The following ACSF2 variants were observed in gnomAD, a reference collection of about 807,000 sequenced individuals.
The protein encoded by ACSF2 is medium-chain acyl-CoA ligase ACSF2, mitochondrial.
ACSF2 carries 52 observed loss-of-function variants against 79.3 expected under a neutral mutation model. That is an observed-to-expected ratio of 0.66 (90% CI 0.53 to 0.83). The LOEUF (loss-of-function observed/expected upper bound fraction) is 0.83. Ranked by LOEUF, ACSF2 falls within the 40% of genes least tolerant of loss-of-function variation. The pLI is 0.00. For missense variants in ACSF2, 661 were observed against 803.3 expected (o/e 0.82, Z 2.14); for synonymous variants, 283 against 312.6 (o/e 0.91, Z 1.00).
chr17:50,461,142 T>G (rs1332991957), intron 2 of ACSF2, 100 bp from the exon 3 acceptor site: 4 of 1,545,634 alleles, frequency 2.6e-6, no homozygotes, highest in Non-Finnish European at 2.6e-6. Context: ...TTGTCCCCAG[T>G]GACTGTGATG....
In ACSF2 at chr17:50,426,329, C is replaced by T. The variant is rs780696285; in HGVS notation, c.68C>T (p.Ala23Val). ...GCCGGGAGCTCGGGGGTGCTGGGGG[C>T]CCGGGCCGCCCTCTCTCGGAGTTGG... is the stretch of plus-strand genomic sequence containing the variant. ...LCAGSSGVLG[A>V]RAALSRSWQE... Residue 23 changes from alanine (A) to valine (V), a missense_variant, in exon 1 of 16, where the codon GCC becomes GTC. Transcript: ENST00000300441. 3.5e-6 allele frequency: 5 copies of T among 1,419,638 alleles called. No individual in the cohort carries two copies. The highest frequency in any genetic ancestry group is 2.8e-5 in the East Asian group (1 of 35,462). The allele number at this position is 1,419,638 out of a possible 1,614,324, so 87.9% of individuals were successfully genotyped here.
intron 10 of ACSF2, chr17:50,464,840 A>T: frequency 2.8e-6 from 1 of 352,494 alleles, no homozygotes; most frequent in South Asian, 2.1e-5. Context: ...GGCTGGGGAG[A>T]GGCTCAGCCT....
chr17:50,429,114 A>G (rs1915291370), intron 1 of ACSF2, among the ~76,000 whole-genome samples: 1 of 152,254 alleles, frequency 6.6e-6, no homozygotes. Context: ...GAAAAGAGCA[A>G]GGGCTTTGAA....
chr17:50,459,333 C>G (rs777745218), intron 1 of ACSF2, among the ~76,000 whole-genome samples: 2 of 152,214 alleles, frequency 1.3e-5, no homozygotes, highest in African/African-American at 4.8e-5. Flanking sequence ...CTCTGCCTCC[C>G]AGGCTCGAGT....
chr17:50,450,806 A>G (rs1186155754), intron 1 of ACSF2: 1 of 152,254 alleles, frequency 6.6e-6, no homozygotes, highest in Non-Finnish European at 1.5e-5. Flanking sequence ...TAATCCAAAT[A>G]ATAGATTCCA....
chr17:50,471,293 T>C lies in ACSF2; in HGVS notation c.1323+158T>C. 1 of 621,682 alleles carries C rather than the reference T, an allele frequency of 1.6e-6. No homozygotes were observed. The highest frequency in any genetic ancestry group is 2.9e-6 in the Non-Finnish European group (1 of 348,122). 38.5% of individuals were successfully genotyped at this position (621,682 alleles called of 1,614,324 possible). On this transcript the variant is annotated intron_variant, in intron 11 of 15. Transcript: ENST00000300441. This position sits in a 1 kb window ranked among gnomAD's most constrained non-coding sequence, Gnocchi z 4.1. Reference sequence around the variant, plus strand: ...GGGGTGTGCTAGGCCTGGCCCGGAGTGTTCTCTGTGGGCTAAGCATGAAAG... The same window carrying C: ...GGGGTGTGCTAGGCCTGGCCCGGAGCGTTCTCTGTGGGCTAAGCATGAAAG...
intron 10 of ACSF2, chr17:50,468,242 A>G: frequency 6.2e-7 from 1 of 1,612,278 alleles, no homozygotes; most frequent in East Asian, 2.2e-5. Context: ...CACGTCGTCC[A>G]GGGCCCCGGG....
intron 10 of ACSF2, chr17:50,465,034 C>G: frequency 2.0e-6 from 1 of 494,634 alleles, no homozygotes; most frequent in East Asian, 3.7e-5. Flanking sequence ...GTCACCAGGA[C>G]TGGCTGGGTC....
chr17:50,447,039 A>G (rs889916334), intron 1 of ACSF2, among the ~76,000 whole-genome samples: 9 of 152,190 alleles, frequency 5.9e-5, no homozygotes, highest in African/African-American at 2.2e-4. Flanking sequence ...TCAATGGCTT[A>G]TAGTATATTC....
intron 1 of ACSF2, among the ~76,000 whole-genome samples, chr17:50,429,705 A>G (rs1421117558): frequency 1.3e-5 from 2 of 151,978 alleles, no homozygotes; most frequent in African/African-American, 2.4e-5. Flanking sequence ...TTTAGTGGAG[A>G]TGGGGTTTCA....
chr17:50,427,074 C>T lies in ACSF2; in HGVS notation c.128+685C>T, dbSNP rs1004420219. ...GCTTGAGACACAGAGAGCAGGCTGCCACTCATGTTATCAGGGCTGTTAGCT... is the reference window on the plus strand; with the variant it reads ...GCTTGAGACACAGAGAGCAGGCTGCTACTCATGTTATCAGGGCTGTTAGCT... On this transcript the variant is annotated intron_variant, in intron 1 of 15. Transcript: ENST00000300441. 2.3e-6 allele frequency: 3 copies of T among 1,327,026 alleles called. No individual in the cohort carries two copies. In the African/African-American group the frequency reaches 4.3e-5, roughly 19 times the overall value. The allele number at this position is 1,327,026 out of a possible 1,614,324, so 82.2% of individuals were successfully genotyped here.
chr17:50,469,917 CTG>C (rs953224598), intron 10 of ACSF2: 2 of 152,546 alleles, frequency 1.3e-5, no homozygotes, highest in Non-Finnish European at 2.9e-5. Flanking sequence ...CGCCAGATTT[CTG>C]TGTGCCCACT....
intron 1 of ACSF2, among the ~76,000 whole-genome samples, chr17:50,447,485 T>C (rs965597700): frequency 6.6e-6 from 1 of 151,952 alleles, no homozygotes; most frequent in Admixed American, 6.6e-5. Flanking sequence ...GAGGTTGTAG[T>C]GAGCCGAGAT....
chr17:50,448,212 G>C (rs1043944118), intron 1 of ACSF2, among the ~76,000 whole-genome samples: 2 of 152,234 alleles, frequency 1.3e-5, no homozygotes, highest in African/African-American at 4.8e-5. Context: ...AAAGACTGTA[G>C]GCAATTGTAA....
At chr17:50,461,001 G>A in intron 2 of ACSF2, 129 bp downstream of exon 2, 1 of 1,210,864 alleles carries the variant, frequency 8.3e-7, no homozygotes, top group African/African-American at 1.5e-5. Context: ...AACCCCGAGG[G>A]ATGGCAGGAG....
At chr17:50,430,023 C>G (rs1372955202) in intron 1 of ACSF2, among the ~76,000 whole-genome samples, 2 of 152,192 alleles carry the variant, frequency 1.3e-5, no homozygotes, top group Non-Finnish European at 2.9e-5. Context: ...TAAAGCTGGC[C>G]TGGGGCTGCC....
chr17:50,464,773 G>GGGC (rs2032580254), intron 10 of ACSF2: 1 of 333,512 alleles, frequency 3.0e-6, no homozygotes, highest in African/African-American at 2.4e-5. Context: ...TTGACTTGGG[G>GGGC]GGGGGGTCTC....
At chr17:50,468,427 G>T (rs762195755) in intron 10 of ACSF2, 1 of 1,614,270 alleles carries the variant, frequency 6.2e-7, no homozygotes, top group Admixed American at 1.7e-5. Context: ...TGTGGTCCAG[G>T]TAGAGGTAGG....
intron 1 of ACSF2, among the ~76,000 whole-genome samples, chr17:50,449,048 G>T (rs572066703): frequency 1.6e-5 from 2 of 123,238 alleles, no homozygotes. Context: ...ATGGAGTCTC[G>T]CTCTGTCACC....
Sources: allele counts gnomAD v4.1 joint callset (sites outside exome capture counted in the v4.1 genomes callset), GRCh38; gene constraint gnomAD v4.1.1; non-coding constraint Gnocchi (gnomAD v3.1); transcripts MANE v1.5; gene names NCBI Gene and HGNC (gene_info 2026-07-23, HGNC 2026-07-21).